Variants in ARMC2 observed in about 807,000 individuals in gnomAD.
The protein encoded by ARMC2 is armadillo repeat containing 2.
In ARMC2, 67 loss-of-function variants were observed where a neutral mutation model predicts 90.3. The observed-to-expected ratio is 0.74, with a 90% CI of 0.61 to 0.91. ARMC2 has a LOEUF of 0.91. ARMC2 is among the 40% of genes least tolerant of loss of function. ARMC2 has a pLI of 0.00. For synonymous variants in ARMC2, 393 were observed against 393.0 expected (o/e 1.00, Z 0.00); for missense variants, 920 against 1,030.9 (o/e 0.89, Z 1.47).
Position 108,953,131 on chromosome 6 carries a change from T to C in ARMC2, c.1695T>C (p.Thr565=). The change falls in exon 13 of 18, where the codon ACT becomes ACC. Residue 565 remains threonine (T), a synonymous_variant. Coordinates refer to ENST00000392644, the MANE Select transcript of ARMC2 (RefSeq NM_032131.6). ...CCAAAGAGAAAGGGAGCATCCAAAC[T>C]CTGCTGTCATTATTCCAGACGTTCC... ...QFSKEKGSIQ[T]LLSLFQTFHQ... The C allele has an allele frequency of 2.5e-6, 4 of 1,614,048 alleles. No homozygotes were observed. The highest frequency in any genetic ancestry group is 3.4e-6 in the Non-Finnish European group (4 of 1,179,898).
At chr6:108,965,710 T>C (rs1467535973) in intron 17 of ARMC2, among the ~76,000 whole-genome samples, 1 of 152,058 alleles carries the variant, frequency 6.6e-6, no homozygotes, top group Non-Finnish European at 1.5e-5. Flanking sequence ...AGTGGTGCGA[T>C]CACTGCTCAC....
chr6:108,866,729 T>G (rs144954005), intron 3 of ARMC2, among the ~76,000 whole-genome samples: 1,737 of 152,318 alleles, frequency 0.011, 6 homozygotes, highest in South Asian at 0.031. Flanking sequence ...GATTTATGCT[T>G]TCTTCCATAT....
chr6:108,957,707 A>AT (rs1777700642), intron 13 of ARMC2, among the ~76,000 whole-genome samples: 1 of 152,212 alleles, frequency 6.6e-6, no homozygotes, highest in African/African-American at 2.4e-5. Context: ...GGTCAGCCTC[A>AT]TTGCAGAGGG....
At chr6:109,049,916 T>G in the ARMC2 span, among the ~76,000 whole-genome samples, 1 of 152,118 alleles carries the variant, frequency 6.6e-6, no homozygotes, top group African/African-American at 2.4e-5. Flanking sequence ...TACATCTCCA[T>G]GTCTGACTTT....
In ARMC2 at chr6:108,881,216, TTTTC is replaced by T. The variant is rs1458530684; in HGVS notation, c.671+4876_671+4879del. 4.3e-3 allele frequency among the ~76,000 whole-genome samples: 651 copies of T among 151,444 alleles called. 5 individuals carry two copies. Among genetic ancestry groups the T allele is most frequent in the African/African-American group, 0.014 (595 of 41,246 alleles). ...TTTCTTTGTTTCTTTCTTTCCTTTC[TTTTC>T]TTTCTTTCTGTCTTTCTCTTTCTTT... On this transcript the variant is annotated intron_variant, in intron 5 of 17. Transcript: ENST00000392644.
rs544210715 is a variant in ARMC2 at position 108,900,550 on chromosome 6, T to C, written c.847+758T>C. On this transcript the variant is annotated intron_variant, in intron 7 of 17. Transcript: ENST00000392644. ...GTTGTTGATGAGCAAACCAGCTTGG[T>C]AGCCACAGGAAGATGCTCTAAGAGA... is the stretch of plus-strand genomic sequence containing the variant. Among the ~76,000 whole-genome samples, 5 of 152,288 alleles carry C rather than the reference T, an allele frequency of 3.3e-5. No individual in the cohort carries two copies. In the South Asian group the frequency reaches 1.0e-3, roughly 32 times the overall value.
At chr6:109,049,570 C>T in the ARMC2 span, among the ~76,000 whole-genome samples, 39 of 151,850 alleles carry the variant, frequency 2.6e-4, no homozygotes, top group African/African-American at 7.5e-4. Context: ...GTTTAGATGA[C>T]GGATTTGCTA....
At chr6:108,967,018 C>A (rs534101268) in intron 17 of ARMC2, among the ~76,000 whole-genome samples, 5 of 152,234 alleles carry the variant, frequency 3.3e-5, no homozygotes, top group African/African-American at 1.2e-4. Context: ...TCCCAAGTGA[C>A]CCCTCAGCCG....
At chr6:108,921,630 G>C (rs1774580665) in intron 10 of ARMC2, among the ~76,000 whole-genome samples, 1 of 152,178 alleles carries the variant, frequency 6.6e-6, no homozygotes, top group South Asian at 2.1e-4. Flanking sequence ...TACCACACAG[G>C]CTCTGGTTTT....
intron 16 of ARMC2, among the ~76,000 whole-genome samples, 198 bp downstream of exon 16, chr6:108,964,510 G>A (rs139513124): frequency 0.016 from 2,429 of 152,146 alleles, 26 homozygotes; most frequent in Non-Finnish European, 0.025. Flanking sequence ...GTGGTGGCTC[G>A]CACCTGTAAT....
intron 1 of ARMC2, among the ~76,000 whole-genome samples, chr6:108,850,752 C>T (rs535278206): frequency 3.0e-4 from 45 of 152,280 alleles, no homozygotes; most frequent in African/African-American, 9.6e-4. Context: ...CTAGTGATTA[C>T]GTAAGTGTTG....
intron 12 of ARMC2, among the ~76,000 whole-genome samples, chr6:108,940,922 A>G (rs1162666667): frequency 6.6e-6 from 1 of 151,684 alleles, no homozygotes; most frequent in Non-Finnish European, 1.5e-5. Context: ...ATCCTATCTC[A>G]GAGAGAGAGA....
chr6:108,924,942 G>T (rs996439054), intron 10 of ARMC2, among the ~76,000 whole-genome samples: 13 of 152,150 alleles, frequency 8.5e-5, no homozygotes, highest in South Asian at 2.1e-4. Flanking sequence ...GTCAGGTGGG[G>T]AAAGGGGTGG....
the ARMC2 span, chr6:109,009,272 C>T: frequency 8.2e-7 from 1 of 1,212,178 alleles, no homozygotes; most frequent in Non-Finnish European, 1.1e-6. Flanking sequence ...GAGGAGGCAA[C>T]GTGACCTCCG....
chr6:109,007,582 G>A, the ARMC2 span, among the ~76,000 whole-genome samples: 638 of 152,224 alleles, frequency 4.2e-3, 2 homozygotes, highest in Non-Finnish European at 7.3e-3. Context: ...TATATAAAAA[G>A]TGAAAGTTCC....
chr6:109,002,227 G>T, the ARMC2 span: 1 of 1,510,244 alleles, frequency 6.6e-7, no homozygotes, highest in Non-Finnish European at 9.2e-7. Context: ...GGTCATGAAA[G>T]CTCTTCCTTA....
intron 5 of ARMC2, among the ~76,000 whole-genome samples, chr6:108,886,735 G>A (rs1778145054): frequency 1.3e-5 from 2 of 151,916 alleles, no homozygotes; most frequent in South Asian, 4.1e-4. Flanking sequence ...TAACCATGTA[G>A]TACCTGGATT....
At chr6:108,904,961 G>A (rs921454303) in intron 8 of ARMC2, among the ~76,000 whole-genome samples, 1 of 152,072 alleles carries the variant, frequency 6.6e-6, no homozygotes. Context: ...AGAAGAAAAG[G>A]CCAGACACCA....
the ARMC2 span, among the ~76,000 whole-genome samples, chr6:109,004,907 A>G: frequency 6.6e-6 from 1 of 152,232 alleles, no homozygotes; most frequent in Non-Finnish European, 1.5e-5. Context: ...GAGAAAGGGT[A>G]GAGAAACTGT....
Sources: gnomAD v4.1 joint callset for allele counts (sites outside exome capture counted in the v4.1 genomes callset) on GRCh38, gnomAD v4.1.1 for gene constraint, MANE v1.5 for transcripts, NCBI Gene and HGNC (gene_info 2026-07-23, HGNC 2026-07-21) for gene names.